WDFY1: variants seen among roughly 807,000 people sequenced by gnomAD.
WDFY1 encodes WD repeat and FYVE domain-containing protein 1.
Under a neutral mutation model 56.4 loss-of-function variants are expected in WDFY1, and 32 were observed. The observed-to-expected ratio is 0.57, with a 90% confidence interval of 0.43 to 0.76. The LOEUF (loss-of-function observed/expected upper bound fraction) is 0.76, where lower values mean the gene tolerates loss of function less well. WDFY1 is among the 30% of genes least tolerant of loss of function. The probability of loss-of-function intolerance (pLI) is 0.00; values close to 1 mark genes in which losing one functional copy is unlikely to be tolerated. For synonymous variants in WDFY1, 192 were observed against 197.3 expected (o/e 0.97, Z 0.23); for missense variants, 480 against 545.7 (o/e 0.88, Z 1.20).
intron 5 of WDFY1, 82 bp downstream of exon 5, chr2:223,901,101 C>A: frequency 6.8e-7 from 1 of 1,480,310 alleles, no homozygotes; most frequent in Non-Finnish European, 9.0e-7. Flanking sequence ...CTTTAGATCT[C>A]AGCCATTTGG....
At chr2:223,894,889 C>T (rs760803934) in intron 7 of WDFY1, among the ~76,000 whole-genome samples, 12 of 152,120 alleles carry the variant, frequency 7.9e-5, no homozygotes, top group Non-Finnish European at 1.5e-5. Flanking sequence ...GTTTCCTCAG[C>T]TAATTTTCAG....
At chr2:223,925,144 A>G (rs1693955953) in intron 1 of WDFY1, among the ~76,000 whole-genome samples, 1 of 152,150 alleles carries the variant, frequency 6.6e-6, no homozygotes, top group African/African-American at 2.4e-5. Flanking sequence ...AGCTTATATA[A>G]TCATTACAAA....
chr2:223,893,510 A>G (rs897622753), intron 8 of WDFY1, among the ~76,000 whole-genome samples: 3 of 151,844 alleles, frequency 2.0e-5, no homozygotes, highest in African/African-American at 7.3e-5. Context: ...AGCCTGGGTG[A>G]CAAAGCAAGA....
intron 6 of WDFY1, 47 bp from the exon 7 acceptor site, chr2:223,895,677 A>G (rs779018509): frequency 1.2e-6 from 2 of 1,605,492 alleles, no homozygotes; most frequent in South Asian, 2.2e-5. Flanking sequence ...GGGGAGAAGT[A>G]AAATATAACT....
chr2:223,913,249 CT>C (rs1195058162), intron 2 of WDFY1, among the ~76,000 whole-genome samples: 5 of 149,998 alleles, frequency 3.3e-5, no homozygotes, highest in Non-Finnish European at 7.4e-5. Flanking sequence ...GAAAAAACGT[CT>C]TTTAAATGAA....
At chr2:223,894,569 A>G in intron 7 of WDFY1, 1 of 506,496 alleles carries the variant, frequency 2.0e-6, no homozygotes, top group Non-Finnish European at 3.6e-6. Context: ...ATCGGTCATT[A>G]AGAATTGTAG....
rs190593695 is a variant in WDFY1, at chr2:223,893,910, C to T, written c.831+324G>A. On this transcript the variant is annotated intron_variant, in intron 8 of 11. Transcript: ENST00000233055. ...ATGCTACGGGACCACAATGGTGCTT[C>T]GGAGGACCTCTATGCAGTCCAAATC... Among the ~76,000 whole-genome samples the T allele has an allele frequency of 1.4e-3, 212 of 152,304 alleles. 1 individual carries two copies. The highest frequency in any genetic ancestry group is 6.8e-3 in the Middle Eastern group (2 of 294).
At chr2:223,939,239 C>T (rs1007484410) in intron 1 of WDFY1, among the ~76,000 whole-genome samples, 2 of 152,140 alleles carry the variant, frequency 1.3e-5, no homozygotes, top group African/African-American at 2.4e-5. Context: ...ACCCGAATTT[C>T]AACAAGACCC....
At chr2:223,937,502 T>C (rs1156840746) in intron 1 of WDFY1, among the ~76,000 whole-genome samples, 1 of 152,194 alleles carries the variant, frequency 6.6e-6, no homozygotes, top group Non-Finnish European at 1.5e-5. Context: ...CCACGTGGTT[T>C]AATTCACCTA....
rs371114618 is a variant in WDFY1 at position 223,896,309 on chromosome 2, C to T, written c.599-679G>A. Among the ~76,000 whole-genome samples the T allele has an allele frequency of 1.5e-4, 22 of 147,962 alleles. No individual in the cohort carries two copies. In the East Asian group the frequency reaches 2.0e-3, roughly 13 times the overall value. ...TGCTACTAATATTTAGTGACAAAAA[C>T]CAGTAAAGTTTACTGTGTCCAACCT... On this transcript the variant is annotated intron_variant, in intron 6 of 11. Transcript: ENST00000233055.
At position 223,929,654 on chromosome 2, in the gene WDFY1, A is replaced by C. The variant is rs996566576; in HGVS notation, c.138-11644T>G. On this transcript the variant is annotated intron_variant, in intron 1 of 11. Transcript: ENST00000233055. ...CTACCACCTTCTCTAAAAAAAATTT[A>C]AAAAAATAAAGATTCATGAAAAGCT... Among the ~76,000 whole-genome samples the C allele has an allele frequency of 2.6e-5, 4 of 152,318 alleles. 1 individual carries two copies. Among genetic ancestry groups the C allele is most frequent in the African/African-American group, 9.6e-5 (4 of 41,570 alleles).
chr2:223,906,955 CATT>C (rs60121017), intron 3 of WDFY1, among the ~76,000 whole-genome samples: 26 of 65,820 alleles, frequency 4.0e-4, no homozygotes, highest in African/African-American at 1.2e-3. Context: ...TTACTACTAC[CATT>C]ATTATTATTA....
At chr2:223,897,197 T>C (rs1312246717) in intron 6 of WDFY1, among the ~76,000 whole-genome samples, 2 of 151,770 alleles carry the variant, frequency 1.3e-5, no homozygotes, top group African/African-American at 4.8e-5. Context: ...ATTGATTCTT[T>C]CAGCAACTCC....
intron 10 of WDFY1, among the ~76,000 whole-genome samples, chr2:223,881,268 G>T (rs1385497442): frequency 3.3e-5 from 5 of 152,194 alleles, no homozygotes; most frequent in African/African-American, 9.6e-5. Context: ...CTGGGCACTG[G>T]ATACTTTTAT....
At chr2:223,917,166 T>A (rs1401741878) in intron 2 of WDFY1, among the ~76,000 whole-genome samples, 2 of 152,186 alleles carry the variant, frequency 1.3e-5, no homozygotes, top group African/African-American at 2.4e-5. Context: ...CAGATTTATT[T>A]ATAGAACATA....
chr2:223,942,465 G>T (rs1026583501), intron 1 of WDFY1, among the ~76,000 whole-genome samples: 4 of 146,522 alleles, frequency 2.7e-5, no homozygotes, highest in Admixed American at 1.4e-4. Flanking sequence ...TTATCCACCC[G>T]CCTCGGCCTC....
intron 1 of WDFY1, among the ~76,000 whole-genome samples, chr2:223,924,354 C>A (rs994954474): frequency 1.3e-5 from 2 of 152,106 alleles, no homozygotes; most frequent in Non-Finnish European, 2.9e-5. Context: ...AGGGTATGCA[C>A]GCCACTACCA....
chr2:223,880,255 T>C (rs1693043052), intron 10 of WDFY1, 23 bp from the exon 11 acceptor site: 1 of 1,609,406 alleles, frequency 6.2e-7, no homozygotes, highest in African/African-American at 1.3e-5. Flanking sequence ...AAGAGATCAC[T>C]GAAAATTTAC....
chr2:223,941,630 A>G (rs755998653), intron 1 of WDFY1, among the ~76,000 whole-genome samples: 1 of 152,042 alleles, frequency 6.6e-6, no homozygotes, highest in Non-Finnish European at 1.5e-5. Context: ...AGCCCTTGGG[A>G]AAGAGCAACT....
Sources: gnomAD v4.1 joint callset for allele counts (sites outside exome capture counted in the v4.1 genomes callset) on GRCh38, gnomAD v4.1.1 for gene constraint, MANE v1.5 for transcripts, NCBI Gene and HGNC (gene_info 2026-07-23, HGNC 2026-07-21) for gene names.